Variants in IFI16 observed in about 807,000 individuals in gnomAD.
IFI16 encodes the protein interferon gamma inducible protein 16, also known as gamma-interferon-inducible protein 16.
IFI16 carries 49 observed loss-of-function variants against 68.4 expected under a neutral mutation model. The observed-to-expected ratio is 0.72, with a 90% CI of 0.57 to 0.91. The LOEUF (loss-of-function observed/expected upper bound fraction) is 0.91. IFI16 is among the 40% of genes least tolerant of loss of function. The pLI is 0.00. For missense variants in IFI16, 878 were observed against 942.9 expected (o/e 0.93, Z 0.90); for synonymous variants, 307 against 315.0 (o/e 0.97, Z 0.27).
In IFI16 at chr1:159,014,793, A is replaced by G; in HGVS notation, c.113A>G (p.Lys38Arg). 6.2e-7 allele frequency: 1 copy of G among 1,614,046 alleles called. No individual in the cohort carries two copies. The highest frequency in any genetic ancestry group is 8.5e-7 in the Non-Finnish European group (1 of 1,179,860). ...LLSNDLKLNL[K>R]MREEYDKIQI... ...AGCAACGATTTAAAACTTAATTTAAAAATGAGAGAAGAGTATGACAAAATT... is the reference window on the plus strand; with the variant it reads ...AGCAACGATTTAAAACTTAATTTAAGAATGAGAGAAGAGTATGACAAAATT... The change falls in exon 2 of 12, where the codon AAA (lysine) becomes AGA (arginine). Residue 38 changes from lysine to arginine, a missense_variant. By Grantham distance (26) the Lys-to-Arg change is conservative (BLOSUM62 2). Coordinates refer to ENST00000295809, the MANE Select transcript of IFI16 (RefSeq NM_001376587.1).
chr1:159,008,276 C>T (rs957820148), upstream of IFI16, among the ~76,000 whole-genome samples: 7 of 151,990 alleles, frequency 4.6e-5, no homozygotes, highest in South Asian at 2.1e-4. Context: ...TATATATATT[C>T]GCACATTTTT....
intron 6 of IFI16, among the ~76,000 whole-genome samples, chr1:159,029,564 T>G: frequency 6.6e-6 from 1 of 151,846 alleles, no homozygotes; most frequent in African/African-American, 2.4e-5. Flanking sequence ...TTTCCTCAAT[T>G]AATCCCTCAA....
chr1:159,032,349 A>T (rs552355602), intron 6 of IFI16, among the ~76,000 whole-genome samples, 175 bp from the exon 7 acceptor site: 1 of 152,160 alleles, frequency 6.6e-6, no homozygotes, highest in Non-Finnish European at 1.5e-5. Context: ...ATCATTCCAC[A>T]TTTTAGCAAA....
intron 7 of IFI16, among the ~76,000 whole-genome samples, chr1:159,042,879 C>G (rs993073976): frequency 6.6e-6 from 1 of 152,138 alleles, no homozygotes; most frequent in Admixed American, 6.5e-5. Flanking sequence ...TACAATCCAG[C>G]GTTATGGGGC....
chr1:159,031,502 T>C (rs856051), intron 6 of IFI16, among the ~76,000 whole-genome samples: 106,866 of 152,104 alleles, frequency 0.7, 40,280 homozygotes, highest in Admixed American at 0.84. Flanking sequence ...AGAGAGCCCA[T>C]AGGGCTCTTC....
At chr1:159,043,889 G>T (rs190621690) in intron 7 of IFI16, among the ~76,000 whole-genome samples, 192 of 152,382 alleles carry the variant, frequency 1.3e-3, no homozygotes, top group African/African-American at 4.4e-3. Context: ...AGACAATCTT[G>T]TCAATAAAAT....
chr1:159,033,501 G>A (rs952943172), intron 7 of IFI16, among the ~76,000 whole-genome samples: 2 of 152,162 alleles, frequency 1.3e-5, no homozygotes, highest in African/African-American at 2.4e-5. Context: ...TGGTTCTTAC[G>A]TGTTGTTCCT....
intron 6 of IFI16, among the ~76,000 whole-genome samples, chr1:159,031,621 G>A (rs1223897571): frequency 6.6e-6 from 1 of 152,188 alleles, no homozygotes; most frequent in Non-Finnish European, 1.5e-5. Context: ...TCCCCAGTGA[G>A]GATGTATGTT....
intron 4 of IFI16, among the ~76,000 whole-genome samples, chr1:159,017,022 T>C (rs1652974781): frequency 6.6e-6 from 1 of 152,190 alleles, no homozygotes; most frequent in Non-Finnish European, 1.5e-5. Flanking sequence ...TAGTATTCCA[T>C]GTCAGACCTC....
intron 6 of IFI16, among the ~76,000 whole-genome samples, chr1:159,027,258 G>A (rs762804788): frequency 1.5e-4 from 23 of 152,046 alleles, no homozygotes; most frequent in Middle Eastern, 3.4e-3. Context: ...TTTGTCAAAT[G>A]CTTTTTTTTT....
chr1:159,044,982 GC>G (rs1654888338), intron 7 of IFI16, among the ~76,000 whole-genome samples: 1 of 151,912 alleles, frequency 6.6e-6, no homozygotes, highest in Non-Finnish European at 1.5e-5. Flanking sequence ...AAGCCATGCT[GC>G]CCCCAAAATA....
intron 10 of IFI16, 176 bp from the exon 11 acceptor site, chr1:159,053,357 T>A (rs541421464): frequency 4.7e-6 from 2 of 425,412 alleles, no homozygotes; most frequent in Admixed American, 4.1e-5. Flanking sequence ...AAGGGAGGAG[T>A]TGAAAGGCAG....
chr1:159,024,106 T>C (rs1653502972), intron 6 of IFI16, among the ~76,000 whole-genome samples: 1 of 152,262 alleles, frequency 6.6e-6, no homozygotes, highest in Non-Finnish European at 1.5e-5. Flanking sequence ...ATAATTTTTA[T>C]TTAAAGTGCG....
chr1:159,041,835 A>T (rs761002403), intron 7 of IFI16, among the ~76,000 whole-genome samples: 6 of 152,182 alleles, frequency 3.9e-5, no homozygotes, highest in Non-Finnish European at 8.8e-5. Context: ...TTTTGAAAAA[A>T]TCATATATGG....
At chr1:159,046,772 C>T (rs1188830121) in intron 8 of IFI16, among the ~76,000 whole-genome samples, 1 of 151,318 alleles carries the variant, frequency 6.6e-6, no homozygotes, top group Non-Finnish European at 1.5e-5. Context: ...CAAGTTCTCA[C>T]TAATACCCTC....
chr1:159,036,757 T>A (rs575834914), intron 7 of IFI16, among the ~76,000 whole-genome samples: 1 of 152,168 alleles, frequency 6.6e-6, no homozygotes, highest in African/African-American at 2.4e-5. Flanking sequence ...AATAATCAGA[T>A]GCTGTATCTT....
chr1:159,015,697 G>A (rs1318768699), intron 2 of IFI16, 175 bp from the exon 3 acceptor site: 1 of 577,854 alleles, frequency 1.7e-6, no homozygotes. Context: ...TCTTGTGACT[G>A]CTGGTCTCCT....
chr1:159,024,952 C>T (rs934960453), intron 6 of IFI16, among the ~76,000 whole-genome samples: 5 of 151,592 alleles, frequency 3.3e-5, no homozygotes, highest in Non-Finnish European at 5.9e-5. Flanking sequence ...ACGGCGGTCT[C>T]AGTGGTTAAT....
chr1:159,054,897 T>C lies in IFI16; in HGVS notation c.2354T>C (p.Phe785Ser), dbSNP rs1041223130. 2 of 1,566,134 alleles carry C rather than the reference T, an allele frequency of 1.3e-6. No homozygotes were observed. Among genetic ancestry groups the C allele is most frequent in the Non-Finnish European group, 1.8e-6 (2 of 1,139,224 alleles). ...SSMETSPDFF[F>S] is the part of the protein sequence containing the mutation. The stretch of plus-strand genomic sequence containing the variant: ...ATGGAAACTTCACCAGACTTTTTCT[T>C]CTAAAATCTGGATGTCATTGACGAT... The change falls in exon 12 of 12, where the codon TTC (phenylalanine) becomes TCC (serine). Residue 785 changes from phenylalanine (F) to serine (S), a missense_variant. Coordinates refer to ENST00000295809, the MANE Select transcript of IFI16 (RefSeq NM_001376587.1).
Sources: allele counts gnomAD v4.1 joint callset (sites outside exome capture counted in the v4.1 genomes callset), GRCh38; gene constraint gnomAD v4.1.1; transcripts MANE v1.5; gene names NCBI Gene and HGNC (gene_info 2026-07-23, HGNC 2026-07-21).